The following LEKR1 variants were observed in gnomAD, a reference collection of about 807,000 sequenced individuals.
LEKR1 encodes leucine, glutamate and lysine rich 1.
Under a neutral mutation model 72.4 loss-of-function variants are expected in LEKR1, and 59 were observed. The observed-to-expected ratio is 0.82, with a 90% CI of 0.66 to 1.01. The LOEUF (loss-of-function observed/expected upper bound fraction) is 1.01, where lower values mean the gene tolerates loss of function less well. LEKR1 is among the 50% of genes least tolerant of loss of function. The probability of loss-of-function intolerance (pLI) is 0.00; values close to 1 mark genes in which losing one functional copy is unlikely to be tolerated. For synonymous variants in LEKR1, 257 were observed against 263.2 expected (o/e 0.98, Z 0.23); for missense variants, 728 against 759.2 (o/e 0.96, Z 0.48).
intron 6 of LEKR1, among the ~76,000 whole-genome samples, chr3:156,967,513 G>T (rs1728738010): frequency 6.6e-6 from 1 of 152,240 alleles, no homozygotes; most frequent in South Asian, 2.1e-4. Context: ...TCAACTGGAA[G>T]AAAGGGTATC....
chr3:157,024,469 C>A lies in LEKR1; in HGVS notation c.1204-291C>A, dbSNP rs1734054832. 1.3e-5 allele frequency among the ~76,000 whole-genome samples: 2 copies of A among 152,108 alleles called. 1 individual carries two copies. The highest frequency in any genetic ancestry group is 3.9e-4 in the East Asian group (2 of 5,194). On this transcript the variant is annotated intron_variant, in intron 10 of 12. Coordinates refer to ENST00000356539, the MANE Select transcript of LEKR1 (RefSeq NM_001004316.3). ...GAGTTGCTGGCAAGGACTGAGTTCA[C>A]AGTATAAATGAGCAAGTAATTAAGC...
At chr3:156,870,361 T>C (rs1043133199) in intron 3 of LEKR1, among the ~76,000 whole-genome samples, 1 of 152,142 alleles carries the variant, frequency 6.6e-6, no homozygotes, top group Non-Finnish European at 1.5e-5. Context: ...CATTTCTTTT[T>C]GTCGTCTTTA....
intron 6 of LEKR1, among the ~76,000 whole-genome samples, chr3:156,963,530 T>C (rs2107985492): frequency 6.6e-6 from 1 of 152,272 alleles, no homozygotes; most frequent in Admixed American, 6.5e-5. Flanking sequence ...CAATGTCTCT[T>C]ACCTCTTGGC....
intron 6 of LEKR1, among the ~76,000 whole-genome samples, chr3:156,954,829 TG>T (rs1727475277): frequency 6.6e-6 from 1 of 152,136 alleles, no homozygotes; most frequent in South Asian, 2.1e-4. Context: ...AGGACTGCCT[TG>T]GCTAGTCAGG....
chr3:156,931,368 G>A (rs1576846874), intron 5 of LEKR1, among the ~76,000 whole-genome samples: 1 of 152,124 alleles, frequency 6.6e-6, no homozygotes, highest in Non-Finnish European at 1.5e-5. Flanking sequence ...AGGAAGTAGA[G>A]TACTGGAATC....
At chr3:156,908,935 C>A (rs1722818805) in intron 3 of LEKR1, among the ~76,000 whole-genome samples, 1 of 152,140 alleles carries the variant, frequency 6.6e-6, no homozygotes, top group Admixed American at 6.5e-5. Flanking sequence ...AATTGTAGCT[C>A]CCATAATTCC....
chr3:156,894,485 G>C (rs1326111280), intron 3 of LEKR1, among the ~76,000 whole-genome samples: 1 of 152,068 alleles, frequency 6.6e-6, no homozygotes, highest in Non-Finnish European at 1.5e-5. Context: ...TAGTCTGAAT[G>C]GTTGTGTCCT....
At chr3:157,010,220 G>C (rs979899049) in intron 9 of LEKR1, among the ~76,000 whole-genome samples, 3 of 151,542 alleles carry the variant, frequency 2.0e-5, no homozygotes, top group African/African-American at 7.3e-5. Flanking sequence ...TTACAACTCT[G>C]ATATTTTTTA....
At position 156,916,956 on chromosome 3, in the gene LEKR1, C is replaced by T. The variant is rs147202741; in HGVS notation, c.264-3619C>T. On this transcript the variant is annotated intron_variant, in intron 3 of 12. Coordinates refer to ENST00000356539, the MANE Select transcript of LEKR1 (RefSeq NM_001004316.3). ...TCAGCCTTCTGAGCAGAGCCTCAAA[C>T]ATGAAAGTCAAAAAGTAAAACAAAG... is the stretch of plus-strand genomic sequence containing the variant. Among the ~76,000 whole-genome samples, 8 of 152,090 alleles carry T rather than the reference C, an allele frequency of 5.3e-5. No individual in the cohort carries two copies. In the East Asian group the frequency reaches 1.5e-3, roughly 29 times the overall value.
intron 10 of LEKR1, among the ~76,000 whole-genome samples, chr3:157,016,804 G>A (rs1733379747): frequency 6.6e-6 from 1 of 152,092 alleles, no homozygotes; most frequent in African/African-American, 2.4e-5. Flanking sequence ...ATATATTACT[G>A]TGAGATTCTT....
intron 7 of LEKR1, among the ~76,000 whole-genome samples, chr3:156,990,247 C>T (rs1319388462): frequency 6.6e-6 from 1 of 151,972 alleles, no homozygotes; most frequent in East Asian, 1.9e-4. Flanking sequence ...GCCAGAAAAC[C>T]ACATAGGGGG....
chr3:156,845,685 A>G (rs527947554), intron 2 of LEKR1, among the ~76,000 whole-genome samples: 5 of 152,160 alleles, frequency 3.3e-5, no homozygotes, highest in African/African-American at 1.2e-4. Context: ...CCATTGATCT[A>G]TGTGTCCTTC....
In LEKR1 at chr3:156,852,918, A is replaced by G; in HGVS notation, c.199A>G (p.Lys67Glu). 6.5e-7 allele frequency: 1 copy of G among 1,535,206 alleles called. No homozygotes were observed. The highest frequency in any genetic ancestry group is 1.2e-5 in the South Asian group (1 of 83,944). ...SVDREKRLQE[K>E]LHSLSQELEQ... Reference sequence around the variant, plus strand: ...AGATCGTGAAAAGAGACTTCAAGAAAAGCTGCATTCTCTTAGCCAAGAACT... The same window carrying G: ...AGATCGTGAAAAGAGACTTCAAGAAGAGCTGCATTCTCTTAGCCAAGAACT... Residue 67 changes from lysine to glutamate, a missense_variant, in exon 3 of 13, where the codon AAG (lysine) becomes GAG (glutamate). Transcript: ENST00000356539.
At chr3:156,899,297 CATAT>C (rs1277095999) in intron 3 of LEKR1, among the ~76,000 whole-genome samples, 1 of 143,076 alleles carries the variant, frequency 7.0e-6, no homozygotes, top group East Asian at 2.0e-4. Flanking sequence ...TGTATATATA[CATAT>C]ATACATACAC....
intron 6 of LEKR1, among the ~76,000 whole-genome samples, chr3:156,960,201 T>G (rs965704369): frequency 1.2e-4 from 18 of 152,210 alleles, no homozygotes; most frequent in African/African-American, 4.1e-4. Context: ...ATGCTCATAT[T>G]TTTCACATTT....
chr3:156,878,815 T>C (rs1175231454), intron 3 of LEKR1, among the ~76,000 whole-genome samples: 2 of 152,140 alleles, frequency 1.3e-5, no homozygotes, highest in Non-Finnish European at 2.9e-5. Flanking sequence ...ATGGGGCCAG[T>C]TTCCCCCATA....
chr3:156,907,064 A>G (rs1301994538), intron 3 of LEKR1, among the ~76,000 whole-genome samples: 2 of 152,098 alleles, frequency 1.3e-5, no homozygotes, highest in Non-Finnish European at 2.9e-5. Context: ...ACAGACATGT[A>G]ATGAGACTGT....
intron 7 of LEKR1, among the ~76,000 whole-genome samples, chr3:156,983,301 G>T (rs1314299551): frequency 6.6e-6 from 1 of 152,084 alleles, no homozygotes; most frequent in African/African-American, 2.4e-5. Context: ...ACCTTCCTCG[G>T]AATTAATTAA....
At chr3:156,884,095 G>A (rs1719795563) in intron 3 of LEKR1, among the ~76,000 whole-genome samples, 1 of 152,102 alleles carries the variant, frequency 6.6e-6, no homozygotes, top group South Asian at 2.1e-4. Context: ...AGCTATTCCT[G>A]CTCACTTTTA....
Sources: allele counts gnomAD v4.1 joint callset (sites outside exome capture counted in the v4.1 genomes callset), GRCh38; gene constraint gnomAD v4.1.1; transcripts MANE v1.5; gene names NCBI Gene and HGNC (gene_info 2026-07-23, HGNC 2026-07-21).